Variants in RFXANK observed in about 807,000 individuals in gnomAD.
RFXANK encodes the protein regulatory factor X associated ankyrin containing protein, also known as DNA-binding protein RFXANK.
A neutral mutation model predicts 34.5 loss-of-function variants in RFXANK; 19 were observed. The observed-to-expected ratio is 0.55, with a 90% CI of 0.38 to 0.81. The LOEUF (loss-of-function observed/expected upper bound fraction) is 0.81, where lower values mean the gene tolerates loss of function less well. Ranked by LOEUF, RFXANK falls within the 30% of genes least tolerant of loss-of-function variation. The probability of loss-of-function intolerance (pLI) is 0.00; values close to 1 mark genes in which losing one functional copy is unlikely to be tolerated. For missense variants in RFXANK, 295 were observed against 343.5 expected (o/e 0.86, Z 1.12); for synonymous variants, 154 against 149.8 (o/e 1.03, Z -0.20).
intron 8 of RFXANK, 62 bp downstream of exon 8, chr19:19,198,785 C>T: frequency 6.5e-7 from 1 of 1,534,114 alleles, no homozygotes; most frequent in African/African-American, 1.4e-5. Context: ...TGCGGGAATC[C>T]TGAGGGCAGG....
intron 3 of RFXANK, among the ~76,000 whole-genome samples, chr19:19,195,734 TA>T (rs1400497362): frequency 2.7e-5 from 4 of 149,098 alleles, no homozygotes; most frequent in African/African-American, 9.9e-5. Flanking sequence ...TACCTGCTTT[TA>T]AATTTTTTTT....
chr19:19,195,969 T>G (rs1182286551), intron 3 of RFXANK, among the ~76,000 whole-genome samples: 5 of 151,808 alleles, frequency 3.3e-5, no homozygotes, highest in Admixed American at 3.3e-4. Context: ...CTCAAACTCC[T>G]GACCTCAGGT....
intron 8 of RFXANK, 107 bp from the exon 9 acceptor site, chr19:19,199,047 C>T (rs563114939): frequency 2.9e-5 from 33 of 1,132,548 alleles, no homozygotes; most frequent in African/African-American, 2.6e-4. Flanking sequence ...GGCAGACCCA[C>T]GGCTGCATTG....
intron 8 of RFXANK, 32 bp from the exon 9 acceptor site, chr19:19,199,122 C>T: frequency 6.2e-7 from 1 of 1,606,666 alleles, no homozygotes; most frequent in Non-Finnish European, 8.5e-7. Flanking sequence ...TCCCAGGCCC[C>T]ACCCTCCAGC....
chr19:19,195,187 T>G (rs2146471284), intron 3 of RFXANK, among the ~76,000 whole-genome samples: 1 of 146,722 alleles, frequency 6.8e-6, no homozygotes, highest in Non-Finnish European at 1.5e-5. Flanking sequence ...GCCTCCCGAG[T>G]AGCTGGGACT....
At chr19:19,195,391 T>C (rs1324225647) in intron 3 of RFXANK, among the ~76,000 whole-genome samples, 1 of 151,426 alleles carries the variant, frequency 6.6e-6, no homozygotes, top group Admixed American at 6.6e-5. Context: ...CTTGACTCAC[T>C]GCAACTCCCT....
intron 3 of RFXANK, 99 bp from the exon 4 acceptor site, chr19:19,196,864 C>A: frequency 8.7e-7 from 1 of 1,149,580 alleles, no homozygotes; most frequent in Non-Finnish European, 1.3e-6. Context: ...GACTCCATCT[C>A]AAACAACAAC....
intron 9 of RFXANK, among the ~76,000 whole-genome samples, chr19:19,200,097 T>A (rs1423910308): frequency 6.6e-6 from 1 of 151,736 alleles, no homozygotes; most frequent in African/African-American, 2.4e-5. Flanking sequence ...CAGGCTCAAG[T>A]GATCCTCCCA....
chr19:19,200,418 CG>C (rs1325265615), intron 9 of RFXANK, among the ~76,000 whole-genome samples: 22 of 151,830 alleles, frequency 1.4e-4, no homozygotes, highest in African/African-American at 4.8e-4. Flanking sequence ...CCTTGTGATC[CG>C]CCTGTGTTGG....
chr19:19,199,247 C>G lies in RFXANK; in HGVS notation c.712+13C>G. 6.2e-7 allele frequency: 1 copy of G among 1,613,620 alleles called. No individual in the cohort carries two copies. The highest frequency in any genetic ancestry group is 1.3e-5 in the African/African-American group (1 of 75,036). On this transcript the variant is annotated intron_variant, in intron 9 of 9. Transcript: ENST00000303088. Reference sequence around the variant, plus strand: ...GGATACCGGAAAGGTCAGCCTGAGACACACAGAGCAGGGGTGGGGTCCCTT... The same window carrying G: ...GGATACCGGAAAGGTCAGCCTGAGAGACACAGAGCAGGGGTGGGGTCCCTT...
intron 2 of RFXANK, among the ~76,000 whole-genome samples, chr19:19,193,565 G>A (rs1255771865): frequency 2.0e-5 from 3 of 151,874 alleles, no homozygotes; most frequent in African/African-American, 7.3e-5. Context: ...ACAGGCGCCC[G>A]CCACCGCGCT....
At chr19:19,194,199 G>A (rs1464559277) in intron 3 of RFXANK, 66 bp downstream of exon 3, 1 of 1,503,942 alleles carries the variant, frequency 6.6e-7, no homozygotes, top group South Asian at 1.1e-5. Context: ...GGCCTCACAT[G>A]GAACCTGTGT....
At chr19:19,195,372 T>G (rs1278079818) in intron 3 of RFXANK, among the ~76,000 whole-genome samples, 2 of 150,744 alleles carry the variant, frequency 1.3e-5, no homozygotes, top group Non-Finnish European at 2.9e-5. Flanking sequence ...TGGAGTGCAG[T>G]GGCACTATCT....
intron 8 of RFXANK, 144 bp from the exon 9 acceptor site, chr19:19,199,010 C>A: frequency 4.7e-6 from 4 of 846,058 alleles, no homozygotes; most frequent in Non-Finnish European, 7.8e-6. Flanking sequence ...AGAGGTTGGA[C>A]CCTTGTCAAA....
chr19:19,200,484 G>T (rs1371677878), intron 9 of RFXANK, among the ~76,000 whole-genome samples: 1 of 151,044 alleles, frequency 6.6e-6, no homozygotes, highest in East Asian at 2.0e-4. Flanking sequence ...CTGTGTTGTT[G>T]TTTTTTTAGA....
At chr19:19,195,832 T>C (rs1034663529) in intron 3 of RFXANK, among the ~76,000 whole-genome samples, 5 of 139,186 alleles carry the variant, frequency 3.6e-5, no homozygotes, top group Non-Finnish European at 7.6e-5. Context: ...AACCTCCACC[T>C]CCTGGATTCA....
intron 9 of RFXANK, 67 bp downstream of exon 9, chr19:19,199,301 C>T (rs1248265763): frequency 7.1e-7 from 1 of 1,413,226 alleles, no homozygotes; most frequent in South Asian, 1.1e-5. Flanking sequence ...TAAAGGGGTA[C>T]ATGGGACACC....
At chr19:19,201,388 A>G in intron 9 of RFXANK, 1 of 1,302,202 alleles carries the variant, frequency 7.7e-7, no homozygotes, top group Non-Finnish European at 1.1e-6. Context: ...TCATCTTTTC[A>G]TGAAAGTCAC....
chr19:19,200,400 A>C (rs2060687513), intron 9 of RFXANK, among the ~76,000 whole-genome samples: 1 of 149,852 alleles, frequency 6.7e-6, no homozygotes, highest in Non-Finnish European at 1.5e-5. Flanking sequence ...CTGGTCTTGA[A>C]CTCCTGACCT....
Sources: allele counts gnomAD v4.1 joint callset (sites outside exome capture counted in the v4.1 genomes callset), GRCh38; gene constraint gnomAD v4.1.1; transcripts MANE v1.5; gene names NCBI Gene and HGNC (gene_info 2026-07-23, HGNC 2026-07-21).